ATM: variants seen among roughly 807,000 people sequenced by gnomAD.
ATM encodes the protein serine-protein kinase ATM.
ATM carries 308 observed loss-of-function variants against 387.0 expected under a neutral mutation model. The observed-to-expected ratio is 0.80, with a 90% CI of 0.73 to 0.87. The LOEUF is 0.87. Among genes scored for constraint, ATM ranks in the 40% least tolerant of loss-of-function variants. The probability of loss-of-function intolerance (pLI) is 0.00; values close to 1 mark genes in which losing one functional copy is unlikely to be tolerated. For missense variants in ATM, 3,312 were observed against 3,560.9 expected, an observed-to-expected ratio of 0.93 and a Z score of 1.78; for synonymous variants, 1,156 against 1,187.3, an observed-to-expected ratio of 0.97 and a Z score of 0.54.
rs777036353 is a variant in ATM, at chr11:108,317,354, CAAAA to C, written c.6199-18_6199-15del. 2.5e-6 allele frequency: 4 copies of C among 1,606,128 alleles called. No homozygotes were observed. The East Asian group carries it at 9.0e-5, about 36-fold the overall frequency. On this transcript the variant is annotated splice_polypyrimidine_tract_variant and intron_variant, in intron 42 of 62. Coordinates refer to ENST00000675843, the MANE Select transcript of ATM (RefSeq NM_000051.4). ...TATCTTTGATTACTTAACTTAAAAA[CAAAA>C]TAACTCCTGTTTAGGCCTTGCAGAA... is the stretch of plus-strand genomic sequence containing the variant.
intron 18 of ATM, among the ~76,000 whole-genome samples, chr11:108,268,871 G>T (rs1390534556): frequency 6.6e-6 from 1 of 152,090 alleles, no homozygotes; most frequent in Non-Finnish European, 1.5e-5. Flanking sequence ...TTTTAATTAG[G>T]CTAAGAAACA....
chr11:108,284,473 G>C lies in ATM; in HGVS notation c.3993G>C (p.Gln1331His), dbSNP rs863224566. Residue 1331 changes from glutamine (Q) to histidine (H), a missense_variant and splice_region_variant, in exon 26 of 63, where the codon CAG becomes CAC. Physicochemically the swap from Gln to His is conservative, Grantham distance 24. Transcript: ENST00000675843. ...MLKSENLLGK[Q>H]IDHLFISNLP... Reference sequence around the variant, plus strand: ...AAAGTGAAAACTTATTGGGAAAACAGGTATGGCTTCAATTTTTATGTACTT... The same window carrying C: ...AAAGTGAAAACTTATTGGGAAAACACGTATGGCTTCAATTTTTATGTACTT... 1.2e-6 allele frequency: 2 copies of C among 1,613,746 alleles called. No individual in the cohort carries two copies. The highest frequency in any genetic ancestry group is 1.7e-6 in the Non-Finnish European group (2 of 1,179,788).
chr11:108,235,177 G>A (rs779494695), intron 4 of ATM, among the ~76,000 whole-genome samples: 4 of 151,748 alleles, frequency 2.6e-5, no homozygotes, highest in South Asian at 2.1e-4. Flanking sequence ...CACGCCTCTA[G>A]TCTCAGCTAC....
Position 108,335,956 on chromosome 11 carries a change from T to TA in ATM, c.8264dup (p.Tyr2755Ter). 6.2e-7 allele frequency: 1 copy of TA among 1,601,372 alleles called. No homozygotes were observed. The highest frequency in any genetic ancestry group is 1.1e-5 in the South Asian group (1 of 90,844). Residue 2755 changes from tyrosine to a stop codon, truncating the protein, a stop_gained and frameshift_variant, in exon 56 of 63, where the codon TAT becomes TAAT. Coordinates refer to ENST00000675843, the MANE Select transcript of ATM (RefSeq NM_000051.4). LOFTEE classifies it high-confidence loss of function. ...GAAGAGGAAATTAACTATCTGTACT[T>TA]ATAAGGTAACTATTTGTACTTCTGT... Reference protein sequence around the residue: ...TRKRKLTICTYKVVPLSQRSG... With the variant: ...TRKRKLTICT
At chr11:108,333,424 T>A (rs1332512705) in intron 53 of ATM, among the ~76,000 whole-genome samples, 1 of 152,204 alleles carries the variant, frequency 6.6e-6, no homozygotes, top group African/African-American at 2.4e-5. Flanking sequence ...TCCCCATACT[T>A]TAATAATTGT....
Position 108,252,059 on chromosome 11 carries a change from GTT to G in ATM, c.1802+35_1802+36del, listed in dbSNP as rs749339972. 375 of 1,592,648 alleles carry G rather than the reference GTT, an allele frequency of 2.4e-4. No homozygotes were observed. Among genetic ancestry groups the G allele is most frequent in the Non-Finnish European group, 3.1e-4 (358 of 1,166,430 alleles). On this transcript the variant is annotated intron_variant, in intron 11 of 62. Transcript: ENST00000675843. The stretch of plus-strand genomic sequence containing the variant: ...AATTTAAGTTCATTAGCATGCTGCT[GTT>G]TTTTTTGTTTGTTTTATCAGGCTCT...
At chr11:108,301,139 C>T (rs1409778831) in intron 34 of ATM, among the ~76,000 whole-genome samples, 2 of 151,968 alleles carry the variant, frequency 1.3e-5, no homozygotes, top group East Asian at 3.9e-4. Context: ...AGAAAATTTG[C>T]GAGCATTAAA....
At chr11:108,290,290 G>T (rs2082714118) in intron 29 of ATM, 1 of 152,268 alleles carries the variant, frequency 6.6e-6, no homozygotes, top group Non-Finnish European at 1.5e-5. Flanking sequence ...CTACTTGCCT[G>T]GGAAACATAG....
At chr11:108,342,372 G>A (rs1315478872) in intron 56 of ATM, among the ~76,000 whole-genome samples, 1 of 152,158 alleles carries the variant, frequency 6.6e-6, no homozygotes, top group Non-Finnish European at 1.5e-5. Context: ...TGCTCACATA[G>A]TTAGGATAAA....
chr11:108,267,634 T>G (rs1411586334), intron 17 of ATM, among the ~76,000 whole-genome samples: 2 of 152,042 alleles, frequency 1.3e-5, no homozygotes, highest in African/African-American at 2.4e-5. Context: ...CAAGGCGGGC[T>G]GATCATGAGG....
At chr11:108,352,017 T>C (rs1405186466) in intron 59 of ATM, among the ~76,000 whole-genome samples, 1 of 152,134 alleles carries the variant, frequency 6.6e-6, no homozygotes, top group Non-Finnish European at 1.5e-5. Flanking sequence ...TGCCCTTACC[T>C]AGCAGTAACA....
At position 108,304,424 on chromosome 11, in the gene ATM, G is replaced by A. The variant is rs146044741; in HGVS notation, c.5497-251G>A. Among the ~76,000 whole-genome samples the A allele has an allele frequency of 3.9e-4, 60 of 152,114 alleles. 1 individual carries two copies. Among genetic ancestry groups the A allele is most frequent in the African/African-American group, 1.3e-3 (54 of 41,504 alleles). Reference sequence around the variant, plus strand: ...TTTCATTATGGTAATGGCCTAGACTGGAAATAAACAGTTACAGTGTCACTA... The same window carrying A: ...TTTCATTATGGTAATGGCCTAGACTAGAAATAAACAGTTACAGTGTCACTA... On this transcript the variant is annotated intron_variant, in intron 36 of 62. Transcript: ENST00000675843.
intron 56 of ATM, 181 bp downstream of exon 56, chr11:108,336,142 A>T (rs1323596809): frequency 3.2e-4 from 45 of 139,396 alleles, no homozygotes; most frequent in Middle Eastern, 3.1e-3. Context: ...ACAAAAAGTT[A>T]AAAAAAAAAA....
In ATM at chr11:108,310,265, CTA is replaced by C. The variant is rs1060501657; in HGVS notation, c.5870_5871del (p.Tyr1957CysfsTer7). 2 of 1,613,354 alleles carry C rather than the reference CTA, an allele frequency of 1.2e-6. No individual in the cohort carries two copies. Among genetic ancestry groups the C allele is most frequent in the Admixed American group, 3.3e-5 (2 of 59,994 alleles). On this transcript the variant is annotated frameshift_variant, in exon 39 of 63. Coordinates refer to ENST00000675843, the MANE Select transcript of ATM (RefSeq NM_000051.4). LOFTEE classifies it high-confidence loss of function. ...SCAAHFTALL[Y>X]AEIYADKKSM... is the part of the protein sequence containing the mutation. ...GTGCTGCTCACTTTACAGCTTTACTCTATGCAGAAATCTATGCAGATAAGAAA... is the reference window on the plus strand; with the variant it reads ...GTGCTGCTCACTTTACAGCTTTACTCTGCAGAAATCTATGCAGATAAGAAA...
chr11:108,274,902 G>C (rs1188817227), intron 22 of ATM, among the ~76,000 whole-genome samples: 1 of 152,052 alleles, frequency 6.6e-6, no homozygotes, highest in Non-Finnish European at 1.5e-5. Context: ...TCCAGAGTTC[G>C]GTTCAAGTCC....
chr11:108,287,646 T>C lies in ATM; in HGVS notation c.4040T>C (p.Leu1347Ser). 6.2e-7 allele frequency: 1 copy of C among 1,613,852 alleles called. No individual in the cohort carries two copies. Among genetic ancestry groups the C allele is most frequent in the Non-Finnish European group, 8.5e-7 (1 of 1,179,918 alleles). Residue 1347 changes from leucine (L) to serine (S), a missense_variant, in exon 27 of 63, where the codon TTA (leucine) becomes TCA (serine). By Grantham distance (145) the Leu-to-Ser change is moderately radical (BLOSUM62 -2). This residue lies in a region of ATM where 1,791 missense variants were observed against 1,804.5 expected (regional missense o/e 0.99). Coordinates refer to ENST00000675843, the MANE Select transcript of ATM (RefSeq NM_000051.4). Reference sequence around the variant, plus strand: ...AATTTACCAGAGATTGTGGTGGAGTTATTGATGACGTTACATGAGCCAGCA... The same window carrying C: ...AATTTACCAGAGATTGTGGTGGAGTCATTGATGACGTTACATGAGCCAGCA... ...ISNLPEIVVE[L>S]LMTLHEPANS...
rs2081914800 is a variant in ATM at position 108,275,820 on chromosome 11, T to G, written c.3284+2968T>G. Among the ~76,000 whole-genome samples, 3 of 152,170 alleles carry G rather than the reference T, an allele frequency of 2.0e-5. No homozygotes were observed. The South Asian group carries it at 6.2e-4, about 31-fold the overall frequency. On this transcript the variant is annotated intron_variant, in intron 22 of 62. Transcript: ENST00000675843. ...ATTTTTTCATTCATTTCAACCTTGG[T>G]GAATCTGATGATTATGTGTCTTGGG...
At chr11:108,292,172 T>C (rs1320387500) in intron 29 of ATM, among the ~76,000 whole-genome samples, 1 of 152,224 alleles carries the variant, frequency 6.6e-6, no homozygotes, top group East Asian at 1.9e-4. Context: ...ACTAATCTAC[T>C]TAGCTCCATG....
At chr11:108,334,037 A>G (rs528834849) in intron 54 of ATM, 69 bp downstream of exon 54, 1 of 1,272,036 alleles carries the variant, frequency 7.9e-7, no homozygotes, top group Non-Finnish European at 1.1e-6. Context: ...CATTTGAAAT[A>G]GTATTTTTAT....
Sources: allele counts gnomAD v4.1 joint callset (sites outside exome capture counted in the v4.1 genomes callset), GRCh38; gene constraint gnomAD v4.1.1; regional missense constraint gnomAD v4.1.1; transcripts MANE v1.5; gene names NCBI Gene and HGNC (gene_info 2026-07-23, HGNC 2026-07-21).